MGAT4C: variants seen among roughly 807,000 people sequenced by gnomAD.
MGAT4C encodes the protein MGAT4 family member C.
In MGAT4C, 19 loss-of-function variants were observed where a neutral mutation model predicts 40.1. The observed-to-expected ratio is 0.47, with a 90% CI of 0.33 to 0.70. The LOEUF (loss-of-function observed/expected upper bound fraction) is 0.70. Ranked by LOEUF, MGAT4C falls within the 30% of genes least tolerant of loss-of-function variation. The pLI, the probability that MGAT4C is intolerant of heterozygous loss-of-function variation, is 0.02. For synonymous variants in MGAT4C, 181 were observed against 187.1 expected (o/e 0.97, Z 0.27); for missense variants, 491 against 563.2 (o/e 0.87, Z 1.30).
At chr12:86,261,196 T>A (rs1186751585), upstream of MGAT4C, among the ~76,000 whole-genome samples, 1 of 152,142 alleles carries the variant, frequency 6.6e-6, no homozygotes, top group Admixed American at 6.5e-5. Flanking sequence ...TGATTTGACA[T>A]TTTAAGAATT....
At chr12:86,132,064 C>A (rs1881264321) in intron 1 of MGAT4C, among the ~76,000 whole-genome samples, 2 of 152,084 alleles carry the variant, frequency 1.3e-5, no homozygotes. Flanking sequence ...GGACAGCTTT[C>A]AACACCAAGC....
chr12:86,099,237 T>G lies in MGAT4C; in HGVS notation c.-56-49514A>C, dbSNP rs553069451. Among the ~76,000 whole-genome samples, 7 of 151,600 alleles carry G rather than the reference T, an allele frequency of 4.6e-5. No individual in the cohort carries two copies. In the South Asian group the frequency reaches 1.2e-3, roughly 27 times the overall value. ...AGTGATTGCTCACCATTTTAAGATTTTTTGTCTGTCAGTGAAGATCGACAT... is the reference window on the plus strand; with the variant it reads ...AGTGATTGCTCACCATTTTAAGATTGTTTGTCTGTCAGTGAAGATCGACAT... On this transcript the variant is annotated intron_variant, in intron 1 of 4. Transcript: ENST00000611864.
chr12:86,781,189 T>A (rs955077167), intron 1 of MGAT4C, among the ~76,000 whole-genome samples: 1 of 152,196 alleles, frequency 6.6e-6, no homozygotes, highest in African/African-American at 2.4e-5. Flanking sequence ...GTGGGATTGC[T>A]GGATCAAATG....
intron 1 of MGAT4C, among the ~76,000 whole-genome samples, chr12:86,756,799 T>C (rs1204462411): frequency 6.6e-6 from 1 of 152,098 alleles, no homozygotes; most frequent in East Asian, 1.9e-4. Context: ...AGGTGCAATA[T>C]AAGGTCCTTG....
At chr12:86,438,941 A>AAT (rs951978194) in intron 2 of MGAT4C, among the ~76,000 whole-genome samples, 6 of 152,040 alleles carry the variant, frequency 3.9e-5, no homozygotes, top group Non-Finnish European at 5.9e-5. Context: ...TATAAGCTTA[A>AAT]ATATATATAT....
rs1883932817 is a variant in MGAT4C at position 85,975,777 on chromosome 12, A to C, written c.*3512T>G. ...ATCAGTTGAATTTGTACAAAACGGT[A>C]AATCATTTTATCAGTAGATCCCATA... On this transcript the variant is annotated 3_prime_UTR_variant, in exon 5 of 5. Transcript: ENST00000611864. 6.6e-6 allele frequency: 1 copy of C among 151,022 alleles called. No individual in the cohort carries two copies. The highest frequency in any genetic ancestry group is 2.1e-4 in the South Asian group (1 of 4,822). The allele number at this position is 151,022 out of a possible 1,614,324, so 9.4% of individuals were successfully genotyped here. A position where few individuals can be genotyped will look rare whatever the true frequency, so the allele number is the denominator to read the frequency against.
At chr12:86,686,199 C>T (rs917822728) in intron 2 of MGAT4C, among the ~76,000 whole-genome samples, 15 of 152,086 alleles carry the variant, frequency 9.9e-5, no homozygotes, top group Non-Finnish European at 2.1e-4. Flanking sequence ...GATTTTTGCA[C>T]ATTGATTTTG....
chr12:86,737,849 C>T (rs1951010883), intron 1 of MGAT4C, among the ~76,000 whole-genome samples: 2 of 151,406 alleles, frequency 1.3e-5, no homozygotes, highest in Admixed American at 1.3e-4. Context: ...AAATATATCT[C>T]AGCAATTCTT....
rs187732300 is a variant in MGAT4C, at chr12:86,584,479, A to G, written c.-229+142730T>C. Among the ~76,000 whole-genome samples the G allele has an allele frequency of 9.9e-5, 15 of 151,246 alleles. No homozygotes were observed. In the East Asian group the frequency reaches 2.7e-3, roughly 27 times the overall value. ...TGTAATTTGCTCTTTTAACTTAACA[A>G]TATATGTTGCTCAACCTAAATATTT... On this transcript the variant is annotated intron_variant, in intron 2 of 7. Transcript: ENST00000548651.
chr12:86,808,290 A>G (rs1019336606), intron 1 of MGAT4C, among the ~76,000 whole-genome samples: 4 of 152,130 alleles, frequency 2.6e-5, no homozygotes, highest in Non-Finnish European at 4.4e-5. Flanking sequence ...GGCTGGCATT[A>G]TCTTGATACC....
At chr12:86,522,268 G>T (rs1402073526) in intron 2 of MGAT4C, among the ~76,000 whole-genome samples, 1 of 151,934 alleles carries the variant, frequency 6.6e-6, no homozygotes, top group Admixed American at 6.6e-5. Flanking sequence ...TTATTTTGGG[G>T]TATGTTCCTT....
intron 1 of MGAT4C, among the ~76,000 whole-genome samples, chr12:86,233,113 C>G (rs533579302): frequency 1.3e-5 from 2 of 152,214 alleles, no homozygotes; most frequent in Admixed American, 6.5e-5. Context: ...TAGATTTATT[C>G]TGTTGTATCA....
chr12:86,813,233 T>C (rs954571794), intron 1 of MGAT4C, among the ~76,000 whole-genome samples: 1 of 139,398 alleles, frequency 7.2e-6, no homozygotes, highest in Non-Finnish European at 1.5e-5. Context: ...ATCTTGAAAA[T>C]AGTAATTTTA....
At chr12:86,185,395 T>C (rs946349636) in intron 1 of MGAT4C, among the ~76,000 whole-genome samples, 1 of 152,200 alleles carries the variant, frequency 6.6e-6, no homozygotes, top group African/African-American at 2.4e-5. Context: ...GAGAACAGTT[T>C]AGTACTTGTA....
chr12:86,120,179 A>T (rs1316038555), intron 1 of MGAT4C, among the ~76,000 whole-genome samples: 1 of 150,496 alleles, frequency 6.6e-6, no homozygotes, highest in Non-Finnish European at 1.5e-5. Context: ...AAATATATAT[A>T]TAAATATAAA....
chr12:86,090,970 A>G (rs1219822387), intron 1 of MGAT4C, among the ~76,000 whole-genome samples: 2 of 151,932 alleles, frequency 1.3e-5, no homozygotes, highest in Non-Finnish European at 2.9e-5. Context: ...ATTTACTTGT[A>G]ATGATTTATA....
intron 1 of MGAT4C, among the ~76,000 whole-genome samples, chr12:86,730,494 G>A (rs1226800445): frequency 6.6e-6 from 1 of 152,122 alleles, no homozygotes; most frequent in Non-Finnish European, 1.5e-5. Flanking sequence ...TTTTGTCAGC[G>A]TACTTGTAGG....
chr12:86,508,821 A>T (rs2136344829), intron 2 of MGAT4C, among the ~76,000 whole-genome samples: 1 of 149,448 alleles, frequency 6.7e-6, no homozygotes, highest in East Asian at 2.0e-4. Context: ...GATGGTGAGC[A>T]TTTTTTCATG....
chr12:86,178,092 A>G (rs904423696), intron 1 of MGAT4C, among the ~76,000 whole-genome samples: 1 of 152,048 alleles, frequency 6.6e-6, no homozygotes, highest in Admixed American at 6.6e-5. Flanking sequence ...GCCCACCACC[A>G]TGCCCGGCTA....
Sources: gnomAD v4.1 joint callset for allele counts (sites outside exome capture counted in the v4.1 genomes callset) on GRCh38, gnomAD v4.1.1 for gene constraint, MANE v1.5 for transcripts, NCBI Gene and HGNC (gene_info 2026-07-23, HGNC 2026-07-21) for gene names.